The following DLG2 variants were observed in gnomAD, a reference collection of about 807,000 sequenced individuals.
The protein encoded by DLG2 is discs large MAGUK scaffold protein 2.
DLG2 carries 45 observed loss-of-function variants against 132.5 expected under a neutral mutation model. That is an observed-to-expected ratio of 0.34 (90% confidence interval 0.27 to 0.44). The LOEUF (loss-of-function observed/expected upper bound fraction) is 0.44. Ranked by LOEUF, DLG2 falls within the 20% of genes least tolerant of loss-of-function variation. The pLI is 1.00. For missense variants in DLG2, 1,045 were observed against 1,196.9 expected (o/e 0.87, Z 1.87); for synonymous variants, 424 against 419.6 (o/e 1.01, Z -0.13).
chr11:84,867,302 T>C (rs952894890), intron 6 of DLG2, among the ~76,000 whole-genome samples: 3 of 152,218 alleles, frequency 2.0e-5, no homozygotes, highest in African/African-American at 7.2e-5. Flanking sequence ...ACCTCTCTGC[T>C]AGCCATTGGC....
intron 7 of DLG2, among the ~76,000 whole-genome samples, chr11:84,454,646 G>T (rs2099060611): frequency 6.6e-6 from 1 of 151,502 alleles, no homozygotes; most frequent in Admixed American, 6.6e-5. Flanking sequence ...ATGAAATACT[G>T]CTCAGCAATA....
At chr11:83,839,514 G>C (rs1914205) in intron 16 of DLG2, among the ~76,000 whole-genome samples, 1 of 152,104 alleles carries the variant, frequency 6.6e-6, no homozygotes, top group Admixed American at 6.5e-5. Context: ...CCGATGCTTA[G>C]GTAAATCGGC....
At chr11:84,604,680 T>C (rs529710447) in intron 6 of DLG2, among the ~76,000 whole-genome samples, 1 of 152,046 alleles carries the variant, frequency 6.6e-6, no homozygotes, top group African/African-American at 2.4e-5. Context: ...GAAAATAGGA[T>C]GTGACGGGAA....
intron 6 of DLG2, among the ~76,000 whole-genome samples, chr11:85,106,692 G>C (rs2071808794): frequency 6.6e-6 from 1 of 151,862 alleles, no homozygotes; most frequent in Admixed American, 6.6e-5. Context: ...AAAATATCCT[G>C]TTGTGTACAT....
At chr11:83,730,700 T>C (rs1177956191) in intron 18 of DLG2, among the ~76,000 whole-genome samples, 1 of 152,208 alleles carries the variant, frequency 6.6e-6, no homozygotes, top group Non-Finnish European at 1.5e-5. Context: ...AACTGCTCGC[T>C]GTGCCTGAAG....
chr11:85,583,130 G>GTGTATATATA (rs1555190569), intron 3 of DLG2, among the ~76,000 whole-genome samples: 43 of 13,592 alleles, frequency 3.2e-3, no homozygotes, highest in Non-Finnish European at 3.6e-3. Context: ...GTGTGTGTGT[G>GTGTATATATA]TATATATATA....
At chr11:85,374,887 G>T (rs1177025754) in intron 3 of DLG2, among the ~76,000 whole-genome samples, 1 of 151,968 alleles carries the variant, frequency 6.6e-6, no homozygotes, top group African/African-American at 2.4e-5. Context: ...GACTATCTTT[G>T]TTCTTAGGAG....
chr11:84,120,342 T>A (rs528480521), intron 9 of DLG2, among the ~76,000 whole-genome samples: 1 of 152,358 alleles, frequency 6.6e-6, no homozygotes, highest in African/African-American at 2.4e-5. Context: ...AGCTGCTATC[T>A]TGTCTACCCC....
At chr11:84,299,617 A>C (rs992986982) in intron 7 of DLG2, among the ~76,000 whole-genome samples, 3 of 152,166 alleles carry the variant, frequency 2.0e-5, no homozygotes, top group Admixed American at 6.5e-5. Context: ...AATAGACTGA[A>C]GGCTCTGAGT....
At chr11:84,163,412 A>C in intron 9 of DLG2, 49 bp downstream of exon 9, 1 of 1,497,212 alleles carries the variant, frequency 6.7e-7, no homozygotes, top group Non-Finnish European at 9.2e-7. Flanking sequence ...TTAGAATAGA[A>C]TGTGAAATGC....
intron 18 of DLG2, among the ~76,000 whole-genome samples, chr11:83,639,178 G>A (rs1157789001): frequency 1.3e-5 from 2 of 152,190 alleles, no homozygotes; most frequent in South Asian, 2.1e-4. Context: ...ATAGCATGAG[G>A]CCATGGCCTG....
At chr11:84,470,396 T>C (rs17147382) in intron 7 of DLG2, among the ~76,000 whole-genome samples, 2,832 of 151,864 alleles carry the variant, frequency 0.019, 88 homozygotes, top group African/African-American at 0.065. Flanking sequence ...TGTTAGGTAC[T>C]AAAGATCTAG....
intron 21 of DLG2, among the ~76,000 whole-genome samples, chr11:83,496,954 G>A (rs554063563): frequency 6.6e-6 from 1 of 152,268 alleles, no homozygotes; most frequent in East Asian, 1.9e-4. Context: ...GCATTTTTAA[G>A]GTTATGCTTA....
chr11:84,166,989 G>T, intron 8 of DLG2: 1 of 533,206 alleles, frequency 1.9e-6, no homozygotes, highest in South Asian at 1.4e-5. Flanking sequence ...ATAGTTTGGG[G>T]CCCGGAGAGC....
At chr11:84,022,241 C>T (rs1480224245) in intron 11 of DLG2, among the ~76,000 whole-genome samples, 4 of 152,188 alleles carry the variant, frequency 2.6e-5, no homozygotes. Flanking sequence ...ATCCTTTTCT[C>T]TGACCCCAAA....
chr11:85,017,599 G>A (rs542196622), intron 6 of DLG2, among the ~76,000 whole-genome samples: 8 of 152,156 alleles, frequency 5.3e-5, no homozygotes, highest in East Asian at 1.9e-4. Flanking sequence ...ATCACTAACC[G>A]GAATTACTCT....
At chr11:83,517,005 G>T (rs1052786394) in intron 21 of DLG2, among the ~76,000 whole-genome samples, 1 of 152,064 alleles carries the variant, frequency 6.6e-6, no homozygotes, top group African/African-American at 2.4e-5. Flanking sequence ...ATGTGTCTTG[G>T]AGTTGCTCTT....
chr11:84,619,359 AATAAATGT>A (rs2099610022), intron 6 of DLG2, among the ~76,000 whole-genome samples: 1 of 151,892 alleles, frequency 6.6e-6, no homozygotes, highest in African/African-American at 2.4e-5. Context: ...AATATATTGA[AATAAATGT>A]ATAAATGTAT....
chr11:83,465,941 T>C (rs2090944043), intron 26 of DLG2, among the ~76,000 whole-genome samples: 1 of 152,220 alleles, frequency 6.6e-6, no homozygotes, highest in African/African-American at 2.4e-5. Flanking sequence ...GCTTCACCTT[T>C]GTGAATGGGA....
Sources: gnomAD v4.1 joint callset for allele counts (sites outside exome capture counted in the v4.1 genomes callset) on GRCh38, gnomAD v4.1.1 for gene constraint, MANE v1.5 for transcripts, NCBI Gene and HGNC (gene_info 2026-07-23, HGNC 2026-07-21) for gene names.